Variants in SIPA1L1 observed in about 807,000 individuals in gnomAD.
The protein encoded by SIPA1L1 is signal induced proliferation associated 1 like 1, also known as signal-induced proliferation-associated 1-like protein 1.
In SIPA1L1, 26 loss-of-function variants were observed where a neutral mutation model predicts 162.7. That is an observed-to-expected ratio of 0.16 (90% confidence interval 0.12 to 0.22). SIPA1L1 has a LOEUF of 0.22. Ranked by LOEUF, SIPA1L1 falls within the 10% of genes least tolerant of loss-of-function variation. SIPA1L1 has a pLI of 1.00. For missense variants in SIPA1L1, 1,874 were observed against 2,241.0 expected (o/e 0.84, Z 3.31); for synonymous variants, 829 against 837.4 (o/e 0.99, Z 0.17).
chr14:71,683,411 A>G (rs1268419522), intron 12 of SIPA1L1, among the ~76,000 whole-genome samples: 1 of 152,212 alleles, frequency 6.6e-6, no homozygotes, highest in South Asian at 2.1e-4. Context: ...GATAGTCCAG[A>G]TTTTGAGCAT....
At chr14:71,657,211 G>A (rs1271473361) in intron 8 of SIPA1L1, among the ~76,000 whole-genome samples, 1 of 152,022 alleles carries the variant, frequency 6.6e-6, no homozygotes, top group Non-Finnish European at 1.5e-5. Flanking sequence ...AGCCAGGCAT[G>A]GTGGCATGCA....
chr14:71,690,550 C>T (rs1369446589), intron 13 of SIPA1L1, among the ~76,000 whole-genome samples: 3 of 152,160 alleles, frequency 2.0e-5, no homozygotes, highest in African/African-American at 7.2e-5. Flanking sequence ...ACCCAGCTAA[C>T]TTCTACATTT....
At position 71,653,204 on chromosome 14, in the gene SIPA1L1, T is replaced by TCAAGTAC. The variant is rs2042773030; in HGVS notation, c.1993+2695_1993+2696insCAAGTAC. On this transcript the variant is annotated intron_variant, in intron 8 of 23. Transcript: ENST00000381232. ...CCCTACTACTAAGGCATGACTTTTC[T>TCAAGTAC]TGCACCTCAGTACTTGAATATTCAA... is the stretch of plus-strand genomic sequence containing the variant. Among the ~76,000 whole-genome samples, 5 of 152,312 alleles carry TCAAGTAC rather than the reference T, an allele frequency of 3.3e-5. No individual in the cohort carries two copies. In the Middle Eastern group the frequency reaches 0.01, roughly 311 times the overall value.
chr14:71,361,446 A>G (rs1346811412), intron 2 of SIPA1L1, among the ~76,000 whole-genome samples: 2 of 152,098 alleles, frequency 1.3e-5, no homozygotes, highest in Non-Finnish European at 2.9e-5. Context: ...GTGTGTGTGT[A>G]TTTCACATTT....
At chr14:71,727,845 G>A (rs2084383390) in intron 19 of SIPA1L1, among the ~76,000 whole-genome samples, 1 of 152,162 alleles carries the variant, frequency 6.6e-6, no homozygotes, top group Admixed American at 6.5e-5. Flanking sequence ...CAACATTCTT[G>A]GACAAGGCTG....
At chr14:71,662,938 C>T (rs1337168651) in intron 10 of SIPA1L1, among the ~76,000 whole-genome samples, 1 of 152,238 alleles carries the variant, frequency 6.6e-6, no homozygotes, top group Non-Finnish European at 1.5e-5. Flanking sequence ...CAAAGGATTT[C>T]ATACCACTTG....
intron 7 of SIPA1L1, among the ~76,000 whole-genome samples, chr14:71,628,387 A>G (rs1471848754): frequency 6.6e-6 from 1 of 152,250 alleles, no homozygotes; most frequent in African/African-American, 2.4e-5. Flanking sequence ...AAAACGTTGA[A>G]GAAATAGGAG....
chr14:71,706,545 T>C (rs1205492521), intron 16 of SIPA1L1, among the ~76,000 whole-genome samples: 1 of 152,224 alleles, frequency 6.6e-6, no homozygotes, highest in African/African-American at 2.4e-5. Flanking sequence ...TTAAAAGTAC[T>C]CAATAGCCAC....
intron 12 of SIPA1L1, among the ~76,000 whole-genome samples, chr14:71,683,118 C>T (rs572668529): frequency 1.3e-5 from 2 of 152,262 alleles, no homozygotes; most frequent in Non-Finnish European, 1.5e-5. Flanking sequence ...CACGTCACAG[C>T]ACTCCAGCCT....
At chr14:71,326,023 G>A (rs1020182533) in intron 2 of SIPA1L1, among the ~76,000 whole-genome samples, 1 of 152,166 alleles carries the variant, frequency 6.6e-6, no homozygotes, top group Non-Finnish European at 1.5e-5. Flanking sequence ...CTGACAGCCA[G>A]TGCTGCTGCC....
In SIPA1L1 at chr14:71,631,724, A is replaced by G. The variant is rs139402967; in HGVS notation, c.1818+7488A>G. ...CATCTGTCAGGTTTTTTCTTTTTAC[A>G]ACTTTACTATTTAGTATCCATATGT... On this transcript the variant is annotated intron_variant, in intron 7 of 23. Transcript: ENST00000381232. 5.3e-4 allele frequency among the ~76,000 whole-genome samples: 81 copies of G among 152,308 alleles called. 1 individual carries two copies. The East Asian group carries it at 0.015, about 28-fold the overall frequency.
intron 13 of SIPA1L1, among the ~76,000 whole-genome samples, chr14:71,694,178 T>A (rs1249304321): frequency 1.3e-5 from 2 of 152,152 alleles, no homozygotes; most frequent in Non-Finnish European, 2.9e-5. Flanking sequence ...GTGAGTTGAT[T>A]CATGGAATAG....
chr14:71,593,989 A>G (rs1383334314), intron 5 of SIPA1L1, among the ~76,000 whole-genome samples: 3 of 152,326 alleles, frequency 2.0e-5, no homozygotes, highest in East Asian at 3.9e-4. Context: ...AGGGACGACT[A>G]ATGCTTATGC....
chr14:71,455,907 A>G (rs913244781), intron 2 of SIPA1L1, among the ~76,000 whole-genome samples: 1 of 152,064 alleles, frequency 6.6e-6, no homozygotes, highest in African/African-American at 2.4e-5. Flanking sequence ...TACTTGTTTA[A>G]TATACTTTTG....
intron 6 of SIPA1L1, among the ~76,000 whole-genome samples, chr14:71,619,560 A>T (rs1415435247): frequency 6.6e-6 from 1 of 151,682 alleles, no homozygotes; most frequent in African/African-American, 2.4e-5. Flanking sequence ...TTTTTTTAAA[A>T]CACCTATGAA....
intron 2 of SIPA1L1, among the ~76,000 whole-genome samples, chr14:71,452,749 G>A (rs1181056500): frequency 6.6e-6 from 1 of 152,162 alleles, no homozygotes. Context: ...AGTGGTATTT[G>A]TTGTTGTGCA....
At chr14:71,648,890 C>G (rs1296221987) in intron 7 of SIPA1L1, among the ~76,000 whole-genome samples, 2 of 152,208 alleles carry the variant, frequency 1.3e-5, no homozygotes, top group African/African-American at 2.4e-5. Flanking sequence ...TCTTGTGTCT[C>G]TCCCTACTGT....
chr14:71,483,251 C>T (rs991355961), intron 2 of SIPA1L1, among the ~76,000 whole-genome samples: 2 of 152,188 alleles, frequency 1.3e-5, no homozygotes, highest in Non-Finnish European at 2.9e-5. Flanking sequence ...TACCGTTTTT[C>T]TTTCTATTAA....
At chr14:71,362,742 G>A (rs1482079512) in intron 2 of SIPA1L1, among the ~76,000 whole-genome samples, 1 of 151,990 alleles carries the variant, frequency 6.6e-6, no homozygotes, top group East Asian at 1.9e-4. Flanking sequence ...CTGTAGTGTT[G>A]ACTGTAGTCT....
Sources: allele counts gnomAD v4.1 joint callset (sites outside exome capture counted in the v4.1 genomes callset), GRCh38; gene constraint gnomAD v4.1.1; transcripts MANE v1.5; gene names NCBI Gene and HGNC (gene_info 2026-07-23, HGNC 2026-07-21).